The following PDE4B variants were observed in gnomAD, a reference collection of about 807,000 sequenced individuals.
PDE4B encodes phosphodiesterase 4B.
PDE4B carries 20 observed loss-of-function variants against 82.2 expected under a neutral mutation model. The ratio of observed to expected loss-of-function variants is 0.24; its 90% CI spans 0.17 to 0.35. PDE4B has a LOEUF of 0.35. Ranked by LOEUF, PDE4B falls within the 10% of genes least tolerant of loss-of-function variation. PDE4B has a pLI of 1.00. For missense variants in PDE4B, 655 were observed against 907.2 expected, an observed-to-expected ratio of 0.72 and a Z score of 3.57; for synonymous variants, 320 against 318.9, an observed-to-expected ratio of 1.00 and a Z score of -0.04.
intron 3 of PDE4B, among the ~76,000 whole-genome samples, chr1:66,045,134 T>C (rs565962787): frequency 2.0e-5 from 3 of 151,884 alleles, no homozygotes; most frequent in African/African-American, 7.2e-5. Flanking sequence ...CCAGGACTTA[T>C]GACTGTTTAC....
At chr1:65,999,097 C>T (rs1015130496) in intron 3 of PDE4B, among the ~76,000 whole-genome samples, 4 of 152,162 alleles carry the variant, frequency 2.6e-5, no homozygotes, top group African/African-American at 9.7e-5. Context: ...TGACAACCCC[C>T]AGGACACATG....
At chr1:66,045,068 A>G (rs1427781212) in intron 3 of PDE4B, among the ~76,000 whole-genome samples, 3 of 151,754 alleles carry the variant, frequency 2.0e-5, no homozygotes, top group African/African-American at 7.2e-5. Context: ...TTCCAACTGC[A>G]TGATGAAGGT....
intron 1 of PDE4B, among the ~76,000 whole-genome samples, chr1:65,899,894 G>A (rs574746401): frequency 3.3e-5 from 5 of 151,906 alleles, no homozygotes; most frequent in Admixed American, 3.3e-4. Context: ...GGGTGGGAAG[G>A]GGGTGAGGGA....
In PDE4B at chr1:65,821,491, A is replaced by G. The variant is rs144865476; in HGVS notation, c.-71+28243A>G. Among the ~76,000 whole-genome samples, 302 of 152,328 alleles carry G rather than the reference A, an allele frequency of 2.0e-3. 1 individual carries two copies. Among genetic ancestry groups the G allele is most frequent in the Admixed American group, 3.5e-3 (53 of 15,306 alleles). ...TAGAAGCTGTCTCCTAAAGAAGTCTACTTTCTCCAGTCCTGGTCTTCCTAC... is the reference window on the plus strand; with the variant it reads ...TAGAAGCTGTCTCCTAAAGAAGTCTGCTTTCTCCAGTCCTGGTCTTCCTAC... On this transcript the variant is annotated intron_variant, in intron 1 of 16. Transcript: ENST00000341517.
intron 3 of PDE4B, among the ~76,000 whole-genome samples, chr1:66,151,143 A>G (rs1646384669): frequency 6.6e-6 from 1 of 152,222 alleles, no homozygotes. Flanking sequence ...GATATAATTC[A>G]CCAGTAAAGC....
rs145391134 is a variant in PDE4B, at chr1:65,947,397, A to G, written c.281+28562A>G. On this transcript the variant is annotated intron_variant, in intron 3 of 16. Transcript: ENST00000341517. ...CGGCTCGTGTATTAAATAGGACCCC[A>G]TTAGGGACCACCATTCCTGTCTCCT... 1.4e-4 allele frequency among the ~76,000 whole-genome samples: 21 copies of G among 152,138 alleles called. No individual in the cohort carries two copies. The East Asian group carries it at 4.1e-3, about 29-fold the overall frequency.
At chr1:66,176,032 G>A (rs949674928) in intron 3 of PDE4B, among the ~76,000 whole-genome samples, 1 of 152,190 alleles carries the variant, frequency 6.6e-6, no homozygotes, top group Non-Finnish European at 1.5e-5. Context: ...TTAGAAGCTG[G>A]TTAAAGGCAG....
intron 3 of PDE4B, among the ~76,000 whole-genome samples, chr1:66,081,810 C>A (rs963306687): frequency 2.5e-5 from 1 of 40,554 alleles, no homozygotes; most frequent in African/African-American, 8.0e-5. Flanking sequence ...AAGTAAAACT[C>A]TCTCTCTCTC....
intron 1 of PDE4B, among the ~76,000 whole-genome samples, chr1:65,847,327 G>C (rs1276924959): frequency 6.6e-6 from 1 of 152,220 alleles, no homozygotes; most frequent in African/African-American, 2.4e-5. Flanking sequence ...CACATCACAT[G>C]TAAAGGTGGA....
At chr1:66,054,643 A>T (rs1655207676) in intron 3 of PDE4B, among the ~76,000 whole-genome samples, 2 of 152,214 alleles carry the variant, frequency 1.3e-5, no homozygotes, top group African/African-American at 4.8e-5. Flanking sequence ...AAGTTACTAC[A>T]GACTTGTAGT....
intron 3 of PDE4B, among the ~76,000 whole-genome samples, chr1:65,943,935 A>T (rs370970873): frequency 5.3e-5 from 8 of 152,150 alleles, no homozygotes; most frequent in African/African-American, 1.7e-4. Flanking sequence ...ATTTTTACAT[A>T]GGAACAATTT....
chr1:65,995,722 G>T (rs1394288261), intron 3 of PDE4B, among the ~76,000 whole-genome samples: 1 of 152,120 alleles, frequency 6.6e-6, no homozygotes, highest in African/African-American at 2.4e-5. Flanking sequence ...ATCAACAATT[G>T]GTATTTTTCC....
At chr1:66,126,137 G>A (rs1645818905) in intron 3 of PDE4B, among the ~76,000 whole-genome samples, 1 of 152,122 alleles carries the variant, frequency 6.6e-6, no homozygotes, top group South Asian at 2.1e-4. Context: ...AAAAGTTCAG[G>A]GATAAATAAG....
chr1:66,040,836 C>G (rs138875972), intron 3 of PDE4B, among the ~76,000 whole-genome samples: 1 of 151,734 alleles, frequency 6.6e-6, no homozygotes, highest in African/African-American at 2.4e-5. Flanking sequence ...GAAAGTCAAC[C>G]CTTAGCCTAA....
At position 65,990,425 on chromosome 1, in the gene PDE4B, G is replaced by GT. The variant is rs1320209719; in HGVS notation, c.281+71598dup. Among the ~76,000 whole-genome samples, 113 of 151,724 alleles carry GT rather than the reference G, an allele frequency of 7.4e-4. No individual in the cohort carries two copies. The Middle Eastern group carries it at 0.01, about 14-fold the overall frequency. ...TCTTTTGTAACTTCAAATTGCTGGGGTTTTTTTTGCCAATACATCACTATG... is the reference window on the plus strand; with the variant it reads ...TCTTTTGTAACTTCAAATTGCTGGGGTTTTTTTTTGCCAATACATCACTATG... On this transcript the variant is annotated intron_variant, in intron 3 of 16. Transcript: ENST00000341517.
At chr1:66,213,854 T>C (rs1433621365) in intron 3 of PDE4B, among the ~76,000 whole-genome samples, 1 of 152,190 alleles carries the variant, frequency 6.6e-6, no homozygotes, top group African/African-American at 2.4e-5. Flanking sequence ...GAAGTGGAAA[T>C]ATGATTACCT....
intron 3 of PDE4B, among the ~76,000 whole-genome samples, chr1:65,972,658 C>A (rs1650204975): frequency 6.6e-6 from 1 of 152,038 alleles, no homozygotes; most frequent in Admixed American, 6.6e-5. Context: ...AAAAAGTAGA[C>A]TAGAAATGGA....
At chr1:66,249,463 C>T (rs1653582563) in intron 4 of PDE4B, among the ~76,000 whole-genome samples, 1 of 152,150 alleles carries the variant, frequency 6.6e-6, no homozygotes. Context: ...CTCTACTGCA[C>T]TTCCAGATTA....
In PDE4B at chr1:66,354,700, A is replaced by G. The variant is rs779237037; in HGVS notation, c.748-827A>G. 2.3e-4 allele frequency: 326 copies of G among 1,432,716 alleles called. 1 individual carries two copies. Among genetic ancestry groups the G allele is most frequent in the Non-Finnish European group, 2.9e-4 (315 of 1,097,554 alleles). 88.8% of individuals were successfully genotyped at this position (1,432,716 alleles called of 1,614,324 possible). A position where few individuals can be genotyped will look rare whatever the true frequency, so the allele number is the denominator to read the frequency against. On this transcript the variant is annotated intron_variant, in intron 8 of 16. Coordinates refer to ENST00000341517, the MANE Select transcript of PDE4B (RefSeq NM_002600.4). ...CTTTGTTTGGCTTAGGAAATGCCAT[A>G]CATTTTGGAGGTTTTTGTCTTTTCT... is the stretch of plus-strand genomic sequence containing the variant.
Sources: gnomAD v4.1 joint callset for allele counts (sites outside exome capture counted in the v4.1 genomes callset) on GRCh38, gnomAD v4.1.1 for gene constraint, MANE v1.5 for transcripts, NCBI Gene and HGNC (gene_info 2026-07-23, HGNC 2026-07-21) for gene names.